RANBP2: variants seen among roughly 807,000 people sequenced by gnomAD.
RANBP2 encodes the protein RAN binding protein 2.
A neutral mutation model predicts 303.6 loss-of-function variants in RANBP2; 57 were observed. The ratio of observed to expected loss-of-function variants is 0.19; its 90% CI spans 0.15 to 0.23. The LOEUF is 0.23. RANBP2 is among the 10% of genes least tolerant of loss of function. The pLI, the probability that RANBP2 is intolerant of heterozygous loss-of-function variation, is 1.00. For synonymous variants in RANBP2, 1,167 were observed against 1,301.5 expected (o/e 0.90, Z 2.23); for missense variants, 3,138 against 3,780.8 (o/e 0.83, Z 4.46).
At chr2:109,560,427 T>C in the RANBP2 span, among the ~76,000 whole-genome samples, 2 of 152,172 alleles carry the variant, frequency 1.3e-5, no homozygotes, top group Admixed American at 6.5e-5. Flanking sequence ...CTCTCCTATC[T>C]GCTCCTCCAG....
the RANBP2 span, among the ~76,000 whole-genome samples, chr2:109,408,632 C>T: frequency 2.0e-5 from 3 of 152,250 alleles, no homozygotes; most frequent in African/African-American, 7.2e-5. Context: ...TCTGTACAGG[C>T]AATGCCCCGC....
chr2:108,906,436 A>C, the RANBP2 span: 3 of 1,548,370 alleles, frequency 1.9e-6, no homozygotes, highest in East Asian at 6.7e-5. Flanking sequence ...CAAATCCTCC[A>C]TGTCAGCAGG....
the RANBP2 span, among the ~76,000 whole-genome samples, chr2:109,083,104 G>C: frequency 6.6e-6 from 1 of 152,032 alleles, no homozygotes; most frequent in Non-Finnish European, 1.5e-5. Context: ...AGAATTACAG[G>C]CATGAGCCAC....
chr2:109,516,420 C>T, the RANBP2 span, among the ~76,000 whole-genome samples: 2 of 152,226 alleles, frequency 1.3e-5, no homozygotes, highest in African/African-American at 4.8e-5. Context: ...TCCACTGGCA[C>T]AGAAGCACGG....
the RANBP2 span, among the ~76,000 whole-genome samples, chr2:109,076,481 G>A: frequency 6.7e-6 from 1 of 150,246 alleles, no homozygotes; most frequent in South Asian, 2.1e-4. Flanking sequence ...CTGTTTCTGG[G>A]TGACATGGTC....
the RANBP2 span, among the ~76,000 whole-genome samples, chr2:109,263,736 G>A: frequency 1.3e-5 from 2 of 152,202 alleles, no homozygotes; most frequent in Non-Finnish European, 2.9e-5. Context: ...GGAGGCCGAG[G>A]TGGGCAGATC....
chr2:108,847,076 C>A, the RANBP2 span: 1 of 594,362 alleles, frequency 1.7e-6, no homozygotes, highest in Non-Finnish European at 2.9e-6. Context: ...TAAAAAGCTA[C>A]TTTTATTTGC....
the RANBP2 span, among the ~76,000 whole-genome samples, chr2:108,956,945 C>T: frequency 3.3e-4 from 50 of 152,250 alleles, 1 homozygote; most frequent in Non-Finnish European, 1.5e-4. Context: ...CCTACCACCA[C>T]GCCCCGCTAA....
At chr2:109,228,151 T>C in the RANBP2 span, among the ~76,000 whole-genome samples, 1 of 152,198 alleles carries the variant, frequency 6.6e-6, no homozygotes, top group East Asian at 1.9e-4. Context: ...ATGATGTACT[T>C]GCAACGTTTG....
At chr2:108,868,547 C>T in the RANBP2 span, among the ~76,000 whole-genome samples, 1 of 152,120 alleles carries the variant, frequency 6.6e-6, no homozygotes, top group Non-Finnish European at 1.5e-5. Flanking sequence ...GAGACTGTAA[C>T]ACCTAAAAAC....
chr2:109,152,700 A>G, the RANBP2 span, among the ~76,000 whole-genome samples: 1 of 152,096 alleles, frequency 6.6e-6, no homozygotes, highest in East Asian at 1.9e-4. Flanking sequence ...CCAGCTCATC[A>G]TTGGAAATTC....
the RANBP2 span, among the ~76,000 whole-genome samples, chr2:109,483,665 G>GTCTTTA: frequency 1.3e-5 from 2 of 152,238 alleles, no homozygotes; most frequent in Admixed American, 6.5e-5. Context: ...AGTCAAGGCT[G>GTCTTTA]GACACACAAA....
At chr2:109,048,463 A>C in the RANBP2 span, among the ~76,000 whole-genome samples, 1 of 152,142 alleles carries the variant, frequency 6.6e-6, no homozygotes, top group Non-Finnish European at 1.5e-5. Context: ...ATAAAACAGG[A>C]GCTGAGACCC....
chr2:108,930,016 C>G, the RANBP2 span: 3 of 1,407,230 alleles, frequency 2.1e-6, no homozygotes, highest in Non-Finnish European at 1.9e-6. Flanking sequence ...GTTTGATATA[C>G]CCTGGCATCC....
chr2:108,786,831 G>A (rs769222358), downstream of RANBP2: 4 of 1,591,262 alleles, frequency 2.5e-6, no homozygotes, highest in Non-Finnish European at 3.4e-6. Context: ...CTATGGAGCC[G>A]AGGGTCGTCA....
chr2:109,249,324 C>T, the RANBP2 span, among the ~76,000 whole-genome samples: 2 of 152,190 alleles, frequency 1.3e-5, no homozygotes, highest in African/African-American at 4.8e-5. Context: ...GGAAACCTAA[C>T]ACATAATCTT....
At chr2:109,608,109 A>C in the RANBP2 span, among the ~76,000 whole-genome samples, 1 of 152,242 alleles carries the variant, frequency 6.6e-6, no homozygotes, top group Non-Finnish European at 1.5e-5. Flanking sequence ...AAGGTCTTTT[A>C]TAACAAAAGC....
chr2:108,827,243 A>G, the RANBP2 span, among the ~76,000 whole-genome samples: 1 of 152,218 alleles, frequency 6.6e-6, no homozygotes, highest in Non-Finnish European at 1.5e-5. Context: ...AAATTATTAG[A>G]ACTCATGATT....
chr2:109,402,770 GC>G, the RANBP2 span, among the ~76,000 whole-genome samples: 1 of 152,232 alleles, frequency 6.6e-6, no homozygotes, highest in African/African-American at 2.4e-5. Flanking sequence ...GCCATGGGGG[GC>G]AGAGGATTAC....
Sources: gnomAD v4.1 joint callset for allele counts (sites outside exome capture counted in the v4.1 genomes callset) on GRCh38, gnomAD v4.1.1 for gene constraint, MANE v1.5 for transcripts, NCBI Gene and HGNC (gene_info 2026-07-23, HGNC 2026-07-21) for gene names.